Variants in TMEM248 observed in about 807,000 individuals in gnomAD.
TMEM248 encodes the protein UPF0458 protein C7orf42.
In TMEM248, 9 loss-of-function variants were observed where a neutral mutation model predicts 30.3. That is an observed-to-expected ratio of 0.30 (90% CI 0.18 to 0.52). The LOEUF is 0.52. Among genes scored for constraint, TMEM248 ranks in the 20% least tolerant of loss-of-function variants. The pLI, the probability that TMEM248 is intolerant of heterozygous loss-of-function variation, is 0.97. For missense variants in TMEM248, 338 were observed against 403.3 expected (o/e 0.84, Z 1.39); for synonymous variants, 184 against 154.4 (o/e 1.19, Z -1.42).
chr7:66,942,025 G>A lies in TMEM248; in HGVS notation c.159+1G>A. 1.9e-6 allele frequency: 3 copies of A among 1,613,732 alleles called. 1 individual carries two copies. Among genetic ancestry groups the A allele is most frequent in the South Asian group, 2.2e-5 (2 of 90,974 alleles). On this transcript the variant is annotated splice_donor_variant, in intron 2 of 6. Coordinates refer to ENST00000341567, the MANE Select transcript of TMEM248 (RefSeq NM_017994.5). LOFTEE classifies it high-confidence loss of function. Reference sequence around the variant, plus strand: ...GATTAAATCCCCAGAAATGGCAGAGGTATAGTATGCTCTGACTTCTCCCGG... The same window carrying A: ...GATTAAATCCCCAGAAATGGCAGAGATATAGTATGCTCTGACTTCTCCCGG...
chr7:66,931,989 A>T (rs2129221651), intron 1 of TMEM248, among the ~76,000 whole-genome samples: 1 of 151,458 alleles, frequency 6.6e-6, no homozygotes, highest in African/African-American at 2.4e-5. Flanking sequence ...TACTTTTAGT[A>T]GAGACGGGGT....
intron 4 of TMEM248, 65 bp from the exon 5 acceptor site, chr7:66,950,887 G>T (rs1348261135): frequency 9.6e-6 from 13 of 1,350,828 alleles, no homozygotes. Context: ...GCTGCTGTGG[G>T]GGTGACACAA....
At chr7:66,927,164 T>C (rs1315647351) in intron 1 of TMEM248, among the ~76,000 whole-genome samples, 2 of 152,216 alleles carry the variant, frequency 1.3e-5, no homozygotes, top group Non-Finnish European at 2.9e-5. Context: ...ATTTTCCATC[T>C]TGAGACTGTA....
At chr7:66,944,017 ACTC>A (rs1301357830) in intron 2 of TMEM248, among the ~76,000 whole-genome samples, 1 of 149,944 alleles carries the variant, frequency 6.7e-6, no homozygotes, top group African/African-American at 2.5e-5. Context: ...CTGGTCTCGA[ACTC>A]CTGGCCTCAA....
At chr7:66,951,311 CAT>C (rs2129226041) in intron 5 of TMEM248, 176 bp downstream of exon 5, 1 of 494,124 alleles carries the variant, frequency 2.0e-6, no homozygotes, top group African/African-American at 2.0e-5. Flanking sequence ...CTTGGAAAAA[CAT>C]GTTACCCATT....
Position 66,945,199 on chromosome 7 carries a change from G to T in TMEM248, c.383G>T (p.Gly128Val). The T allele has an allele frequency of 2.5e-6, 4 of 1,614,106 alleles. No homozygotes were observed. Among genetic ancestry groups the T allele is most frequent in the Non-Finnish European group, 3.4e-6 (4 of 1,180,028 alleles). Residue 128 changes from glycine (G) to valine (V), a missense_variant, in exon 3 of 7, where the codon GGG becomes GTG. By Grantham distance (109) the Gly-to-Val change is moderately radical. Transcript: ENST00000341567. ...CTGGACCCACTGAAACCCTTCGGAGGGTATTCCCGCAACGTCACCCATCTG... is the reference window on the plus strand; with the variant it reads ...CTGGACCCACTGAAACCCTTCGGAGTGTATTCCCGCAACGTCACCCATCTG... The part of the protein sequence containing the change: ...LTLDPLKPFG[G>V]YSRNVTHLYS...
intron 1 of TMEM248, 150 bp from the exon 2 acceptor site, chr7:66,941,698 T>G: frequency 1.6e-6 from 1 of 618,704 alleles, no homozygotes; most frequent in Non-Finnish European, 2.8e-6. Flanking sequence ...TCTAGTCTTT[T>G]GAATGAAGTT....
At chr7:66,954,199 C>T (rs896156014) in intron 6 of TMEM248, among the ~76,000 whole-genome samples, 2 of 151,974 alleles carry the variant, frequency 1.3e-5, no homozygotes, top group African/African-American at 4.8e-5. Context: ...CTGCCTTGGC[C>T]TCCCAAAGTG....
intron 1 of TMEM248, chr7:66,930,903 G>A (rs1562937723): frequency 6.6e-6 from 1 of 152,610 alleles, no homozygotes; most frequent in Admixed American, 6.6e-5. Context: ...GCACAAGTCC[G>A]ATGTATTTCC....
Position 66,936,012 on chromosome 7 carries a change from G to A in TMEM248, c.-18-5836G>A, listed in dbSNP as rs189284516. Among the ~76,000 whole-genome samples, 194 of 152,310 alleles carry A rather than the reference G, an allele frequency of 1.3e-3. 1 individual carries two copies. The highest frequency in any genetic ancestry group is 4.5e-3 in the African/African-American group (187 of 41,560). On this transcript the variant is annotated intron_variant, in intron 1 of 6. Coordinates refer to ENST00000341567, the MANE Select transcript of TMEM248 (RefSeq NM_017994.5). Reference sequence around the variant, plus strand: ...ATAAGATCATACCATCTGCAAACAAGGATAATTTATTTTATTCCTTTCCAG... The same window carrying A: ...ATAAGATCATACCATCTGCAAACAAAGATAATTTATTTTATTCCTTTCCAG...
chr7:66,951,454 C>A, intron 5 of TMEM248: 2 of 216,596 alleles, frequency 9.2e-6, no homozygotes, highest in Non-Finnish European at 1.8e-5. Context: ...GAGGGATGTT[C>A]ACAGACGTTC....
chr7:66,944,157 T>TG (rs1792036140), intron 2 of TMEM248, among the ~76,000 whole-genome samples: 1 of 134,334 alleles, frequency 7.4e-6, no homozygotes, highest in Admixed American at 8.7e-5. Flanking sequence ...CAGGGTGGAG[T>TG]GCAGTGGCAC....
chr7:66,938,018 G>A (rs1337381529), intron 1 of TMEM248, among the ~76,000 whole-genome samples: 5 of 152,124 alleles, frequency 3.3e-5, no homozygotes, highest in East Asian at 1.9e-4. Flanking sequence ...GAGCCACTGC[G>A]CCCGGTTATT....
intron 1 of TMEM248, among the ~76,000 whole-genome samples, chr7:66,929,197 C>T (rs1469400213): frequency 2.0e-5 from 3 of 152,068 alleles, no homozygotes; most frequent in South Asian, 2.1e-4. Context: ...GTTCACTTCC[C>T]GTGTGATCAT....
At chr7:66,931,663 A>T (rs533895799) in intron 1 of TMEM248, among the ~76,000 whole-genome samples, 1 of 151,896 alleles carries the variant, frequency 6.6e-6, no homozygotes, top group East Asian at 1.9e-4. Context: ...TTTTTTGTAG[A>T]GACGGGGTCT....
At chr7:66,941,638 G>C (rs1374632278) in intron 1 of TMEM248, among the ~76,000 whole-genome samples, 1 of 151,558 alleles carries the variant, frequency 6.6e-6, no homozygotes, top group East Asian at 1.9e-4. Flanking sequence ...TATGTATTCA[G>C]GATCCTGCCA....
chr7:66,932,080 A>G (rs1791683081), intron 1 of TMEM248, among the ~76,000 whole-genome samples: 1 of 151,886 alleles, frequency 6.6e-6, no homozygotes, highest in Non-Finnish European at 1.5e-5. Context: ...CTGGGATTAC[A>G]GGCGTGAGCC....
Position 66,953,364 on chromosome 7 carries a change from G to A in TMEM248, c.919G>A (p.Glu307Lys), listed in dbSNP as rs758407020. 3.1e-6 allele frequency: 5 copies of A among 1,613,788 alleles called. No individual in the cohort carries two copies. The highest frequency in any genetic ancestry group is 1.7e-5 in the Admixed American group (1 of 59,974). Reference protein sequence around the residue: ...LRQSNPEFCPEKVALAEA With the variant: ...LRQSNPEFCPKKVALAEA ...TCAGAGCAATCCTGAATTTTGTCCCGAGAAGGTGAGCGGTGGATGGGGTCC... is the reference window on the plus strand; with the variant it reads ...TCAGAGCAATCCTGAATTTTGTCCCAAGAAGGTGAGCGGTGGATGGGGTCC... Residue 307 changes from glutamate to lysine, a missense_variant, in exon 6 of 7, where the codon GAG (glutamate) becomes AAG (lysine). Transcript: ENST00000341567.
Position 66,955,485 on chromosome 7 carries a change from G to T in TMEM248, c.925-17G>T. On this transcript the variant is annotated splice_polypyrimidine_tract_variant and intron_variant, in intron 6 of 6. Transcript: ENST00000341567. ...CTTCCCTTTTTTGACTGGTTTCCCT[G>T]GCTTGCTGTCTTCCAGGTGGCTTTG... is the stretch of plus-strand genomic sequence containing the variant. 1 of 1,614,042 alleles carries T rather than the reference G, an allele frequency of 6.2e-7. No individual in the cohort carries two copies. The highest frequency in any genetic ancestry group is 2.2e-5 in the East Asian group (1 of 44,884).
Sources: allele counts gnomAD v4.1 joint callset (sites outside exome capture counted in the v4.1 genomes callset), GRCh38; gene constraint gnomAD v4.1.1; transcripts MANE v1.5; gene names NCBI Gene and HGNC (gene_info 2026-07-23, HGNC 2026-07-21).